Variants in TTC28 observed in about 807,000 individuals in gnomAD.
TTC28 encodes tetratricopeptide repeat domain 28, also known as tetratricopeptide repeat protein 28.
In TTC28, 61 loss-of-function variants were observed where a neutral mutation model predicts 198.0. The ratio of observed to expected loss-of-function variants is 0.31; its 90% CI spans 0.25 to 0.38. TTC28 has a LOEUF of 0.38. Among genes scored for constraint, TTC28 ranks in the 10% least tolerant of loss-of-function variants. The pLI is 1.00. For synonymous variants in TTC28, 1,171 were observed against 1,297.8 expected, an observed-to-expected ratio of 0.90 and a Z score of 2.10; for missense variants, 2,678 against 3,164.0, an observed-to-expected ratio of 0.85 and a Z score of 3.69.
intron 6 of TTC28, among the ~76,000 whole-genome samples, chr22:28,161,777 AGAGGAATG>A (rs1269037399): frequency 2.2e-5 from 3 of 136,526 alleles, no homozygotes; most frequent in Non-Finnish European, 4.8e-5. Context: ...AGGAAGGAAG[AGAGGAATG>A]GAGGAAGGGA....
chr22:28,631,132 AAAAT>A (rs904012832), intron 1 of TTC28, among the ~76,000 whole-genome samples: 4 of 152,206 alleles, frequency 2.6e-5, no homozygotes, highest in African/African-American at 7.2e-5. Context: ...TCCATCTCTA[AAAAT>A]AAATAAATAA....
At position 28,503,464 on chromosome 22, in the gene TTC28, T is replaced by C. The variant is rs1266552924; in HGVS notation, c.381+126088A>G. On this transcript the variant is annotated intron_variant, in intron 2 of 22. Transcript: ENST00000397906. ...AATATTTGTTGAATAAATGAACAAGTTTGAAAACTAGCTTTACAACTTACT... is the reference window on the plus strand; with the variant it reads ...AATATTTGTTGAATAAATGAACAAGCTTGAAAACTAGCTTTACAACTTACT... Among the ~76,000 whole-genome samples the C allele has an allele frequency of 3.9e-5, 6 of 152,160 alleles. No homozygotes were observed. The East Asian group carries it at 1.2e-3, about 29-fold the overall frequency.
chr22:28,432,645 A>C (rs1175086539), intron 2 of TTC28, among the ~76,000 whole-genome samples: 2 of 152,240 alleles, frequency 1.3e-5, no homozygotes, highest in African/African-American at 4.8e-5. Context: ...ATCAGAAATA[A>C]TTAGAACAAT....
chr22:28,386,840 G>C (rs1439888392), intron 2 of TTC28, among the ~76,000 whole-genome samples: 1 of 150,514 alleles, frequency 6.6e-6, no homozygotes, highest in African/African-American at 2.4e-5. Context: ...GTTTTGTTTT[G>C]TTTTAAGTTA....
At chr22:28,468,864 A>C (rs1601436276) in intron 2 of TTC28, among the ~76,000 whole-genome samples, 1 of 151,950 alleles carries the variant, frequency 6.6e-6, no homozygotes, top group East Asian at 1.9e-4. Flanking sequence ...GGTTACAATT[A>C]TAAGACTGGC....
chr22:28,188,812 T>A (rs1438929010), intron 5 of TTC28, among the ~76,000 whole-genome samples: 1 of 152,062 alleles, frequency 6.6e-6, no homozygotes, highest in Non-Finnish European at 1.5e-5. Context: ...ATGAGGGGGA[T>A]TCCCCAAATA....
At chr22:28,390,714 T>C (rs2046703703) in intron 2 of TTC28, among the ~76,000 whole-genome samples, 1 of 152,172 alleles carries the variant, frequency 6.6e-6, no homozygotes, top group African/African-American at 2.4e-5. Flanking sequence ...TCCTCCATCC[T>C]TTTATTTTGA....
intron 2 of TTC28, among the ~76,000 whole-genome samples, chr22:28,538,674 C>A (rs2049349450): frequency 1.3e-5 from 2 of 151,068 alleles, no homozygotes; most frequent in South Asian, 4.2e-4. Context: ...ATTCTCTTGC[C>A]TCAGCCTCTT....
At chr22:28,106,818 G>T (rs1021585550) in intron 7 of TTC28, among the ~76,000 whole-genome samples, 2 of 152,170 alleles carry the variant, frequency 1.3e-5, no homozygotes, top group African/African-American at 4.8e-5. Flanking sequence ...ACTCTCAGCT[G>T]TCCCTTTTAA....
At chr22:28,567,388 CA>C (rs1382217506) in intron 2 of TTC28, among the ~76,000 whole-genome samples, 56 of 124,578 alleles carry the variant, frequency 4.5e-4, no homozygotes, top group Non-Finnish European at 6.2e-4. Context: ...GACCCTGTCT[CA>C]AAAAAAAAAA....
chr22:27,980,326 T>C lies in TTC28; in HGVS notation c.*1895A>G, dbSNP rs553039867. 2.0e-5 allele frequency: 3 copies of C among 152,380 alleles called. No individual in the cohort carries two copies. The highest frequency in any genetic ancestry group is 7.2e-5 in the African/African-American group (3 of 41,590). The allele number at this position is 152,380 out of a possible 1,614,324, so 9.4% of individuals were successfully genotyped here. On this transcript the variant is annotated 3_prime_UTR_variant, in exon 23 of 23. Coordinates refer to ENST00000397906, the MANE Select transcript of TTC28 (RefSeq NM_001145418.2). ...TACTAACATAAAGAAACCCTCATAA[T>C]TGCTGGCTTCTTTATAAAGTACTTC...
intron 2 of TTC28, among the ~76,000 whole-genome samples, chr22:28,333,904 GGTTT>G (rs1197969736): frequency 6.6e-6 from 1 of 151,804 alleles, no homozygotes; most frequent in Non-Finnish European, 1.5e-5. Flanking sequence ...ATAACGTGCA[GGTTT>G]GTTACATATG....
chr22:28,627,465 C>T lies in TTC28; in HGVS notation c.381+2087G>A, dbSNP rs1313924944. ...TTTTTTTTTTTTGAGACTCTTCACT[C>T]TTGTTGCCCAGGCTGGAGTGCAGTG... On this transcript the variant is annotated intron_variant, in intron 2 of 22. Coordinates refer to ENST00000397906, the MANE Select transcript of TTC28 (RefSeq NM_001145418.2). Among the ~76,000 whole-genome samples the T allele has an allele frequency of 4.1e-5, 6 of 146,784 alleles. No homozygotes were observed. In the East Asian group the frequency reaches 1.2e-3, roughly 29 times the overall value.
chr22:28,485,915 T>C (rs866195757), intron 2 of TTC28, among the ~76,000 whole-genome samples: 2 of 152,102 alleles, frequency 1.3e-5, no homozygotes, highest in Non-Finnish European at 1.5e-5. Flanking sequence ...GTATTATTAT[T>C]TTTAAAAATG....
At chr22:28,208,184 G>C (rs529464795) in intron 5 of TTC28, among the ~76,000 whole-genome samples, 115 of 152,216 alleles carry the variant, frequency 7.6e-4, no homozygotes, top group South Asian at 1.9e-3. Flanking sequence ...GTTTCCCCAG[G>C]AAGCACACAC....
At chr22:27,990,720 A>G (rs1353309026) in intron 20 of TTC28, 69 bp downstream of exon 20, 3 of 1,300,166 alleles carry the variant, frequency 2.3e-6, no homozygotes, top group Admixed American at 2.3e-5. Flanking sequence ...GAGCCTGCCC[A>G]GGGGAACTCG....
chr22:28,161,316 A>G (rs1921151042), intron 6 of TTC28, among the ~76,000 whole-genome samples: 1 of 152,058 alleles, frequency 6.6e-6, no homozygotes, highest in African/African-American at 2.4e-5. Context: ...GGATCGTTTG[A>G]GGCCAGGAGT....
At chr22:28,388,355 AAAG>A (rs2046652561) in intron 2 of TTC28, among the ~76,000 whole-genome samples, 1 of 152,192 alleles carries the variant, frequency 6.6e-6, no homozygotes, top group African/African-American at 2.4e-5. Flanking sequence ...TATGAACTTT[AAAG>A]TAGTTTTTTC....
chr22:28,374,830 C>G (rs548622943), intron 2 of TTC28, among the ~76,000 whole-genome samples: 74 of 152,108 alleles, frequency 4.9e-4, no homozygotes, highest in African/African-American at 1.6e-3. Flanking sequence ...TGCAGGCTCC[C>G]ACCACCATGC....
Sources: gnomAD v4.1 joint callset for allele counts (sites outside exome capture counted in the v4.1 genomes callset) on GRCh38, gnomAD v4.1.1 for gene constraint, MANE v1.5 for transcripts, NCBI Gene and HGNC (gene_info 2026-07-23, HGNC 2026-07-21) for gene names.